Variants in TBCE observed in about 807,000 individuals in gnomAD.
TBCE encodes the protein tubulin-specific chaperone E.
Under a neutral mutation model 77.0 loss-of-function variants are expected in TBCE, and 53 were observed. That is an observed-to-expected ratio of 0.69 (90% CI 0.55 to 0.87). The LOEUF (loss-of-function observed/expected upper bound fraction) is 0.87, where lower values mean the gene tolerates loss of function less well. Among genes scored for constraint, TBCE ranks in the 40% least tolerant of loss-of-function variants. TBCE has a pLI of 0.00. For synonymous variants in TBCE, 235 were observed against 241.3 expected (o/e 0.97, Z 0.24); for missense variants, 624 against 622.4 (o/e 1.00, Z -0.03).
At chr1:235,443,614 G>A (rs1440674484) in intron 15 of TBCE, among the ~76,000 whole-genome samples, 2 of 152,142 alleles carry the variant, frequency 1.3e-5, no homozygotes, top group East Asian at 1.9e-4. Context: ...TGGGTTTGGG[G>A]TCTGCTTCTC....
At position 235,442,604 on chromosome 1, in the gene TBCE, G is replaced by A. The variant is rs76192996; in HGVS notation, c.1340-248G>A. Reference sequence around the variant, plus strand: ...ACCAAATTGTGATTTGTGAATTTATGACTTGAAAACCTAGCCAAGCTGTAA... The same window carrying A: ...ACCAAATTGTGATTTGTGAATTTATAACTTGAAAACCTAGCCAAGCTGTAA... On this transcript the variant is annotated intron_variant, in intron 14 of 16. Transcript: ENST00000642610. Among the ~76,000 whole-genome samples the A allele has an allele frequency of 8.1e-3, 1,238 of 152,316 alleles. 14 individuals are homozygous for A. The highest frequency in any genetic ancestry group is 0.029 in the African/African-American group (1,194 of 41,550).
At chr1:235,441,704 A>G in intron 13 of TBCE, 110 bp from the exon 14 acceptor site, 1 of 979,050 alleles carries the variant, frequency 1.0e-6, no homozygotes, top group East Asian at 2.6e-5. Flanking sequence ...GTGTCCTGGG[A>G]AAGGCACAGG....
chr1:235,447,567 C>CA (rs1355206813), intron 15 of TBCE, among the ~76,000 whole-genome samples: 2 of 152,094 alleles, frequency 1.3e-5, no homozygotes, highest in African/African-American at 4.8e-5. Flanking sequence ...CCTTGTAGAT[C>CA]ATTTAGTTGG....
chr1:235,368,396 C>G (rs1466067255), intron 1 of TBCE, among the ~76,000 whole-genome samples: 2 of 151,778 alleles, frequency 1.3e-5, no homozygotes, highest in African/African-American at 2.4e-5. Context: ...CTTTTCTTTT[C>G]TCTGGCATTA....
chr1:235,435,903 A>T (rs1681417007), intron 9 of TBCE, 63 bp downstream of exon 9: 2 of 1,367,818 alleles, frequency 1.5e-6, no homozygotes, highest in Non-Finnish European at 2.1e-6. Flanking sequence ...AGCAGTTTTC[A>T]TATGCTATGT....
intron 2 of TBCE, among the ~76,000 whole-genome samples, chr1:235,382,908 G>T (rs915582290): frequency 6.6e-6 from 1 of 150,980 alleles, no homozygotes; most frequent in African/African-American, 2.4e-5. Context: ...TGTCCTGAAT[G>T]GTATTGCCTA....
intron 3 of TBCE, among the ~76,000 whole-genome samples, chr1:235,411,704 T>C (rs1679791544): frequency 6.6e-6 from 1 of 152,154 alleles, no homozygotes. Flanking sequence ...CTGATGTGTG[T>C]GTATAAGCCA....
At chr1:235,427,354 GATGATAC>G in intron 6 of TBCE, 115 bp downstream of exon 6, 1 of 761,634 alleles carries the variant, frequency 1.3e-6, no homozygotes, top group Non-Finnish European at 2.3e-6. Context: ...GCTGCCACCT[GATGATAC>G]AGGAGTTAAG....
At chr1:235,389,968 C>CA (rs1210752192) in intron 2 of TBCE, among the ~76,000 whole-genome samples, 5 of 151,176 alleles carry the variant, frequency 3.3e-5, no homozygotes, top group South Asian at 2.1e-4. Context: ...ACTAAAAATA[C>CA]AAAAAAAATT....
intron 6 of TBCE, among the ~76,000 whole-genome samples, chr1:235,427,630 T>C (rs756686425): frequency 6.6e-6 from 1 of 152,088 alleles, no homozygotes; most frequent in Non-Finnish European, 1.5e-5. Flanking sequence ...ATAGTAAGAT[T>C]AGGGTGGGGT....
chr1:235,413,441 C>T (rs905118553), intron 3 of TBCE, among the ~76,000 whole-genome samples: 1 of 151,588 alleles, frequency 6.6e-6, no homozygotes, highest in Non-Finnish European at 1.5e-5. Context: ...GCGGGAGGAT[C>T]ACTTAAGGTC....
intron 12 of TBCE, among the ~76,000 whole-genome samples, chr1:235,437,816 T>A (rs1681561815): frequency 6.7e-6 from 1 of 150,006 alleles, no homozygotes; most frequent in Non-Finnish European, 1.5e-5. Flanking sequence ...TGAGACCCTG[T>A]CTTAATTTAA....
chr1:235,432,297 T>C (rs1177374357), intron 7 of TBCE, among the ~76,000 whole-genome samples: 1 of 152,196 alleles, frequency 6.6e-6, no homozygotes, highest in African/African-American at 2.4e-5. Flanking sequence ...GCATTCCACT[T>C]TCAAACCAAG....
At chr1:235,441,348 G>C (rs1426016077) in intron 13 of TBCE, 1 of 227,746 alleles carries the variant, frequency 4.4e-6, no homozygotes, top group Non-Finnish European at 8.7e-6. Flanking sequence ...ACGGTCTGGT[G>C]GAAACGTGAG....
intron 14 of TBCE, among the ~76,000 whole-genome samples, chr1:235,442,195 A>G (rs914643929): frequency 1.3e-5 from 2 of 151,356 alleles, no homozygotes; most frequent in Admixed American, 6.6e-5. Context: ...ATCGAGACGG[A>G]GTTTTGCTCT....
intron 15 of TBCE, among the ~76,000 whole-genome samples, chr1:235,445,898 A>AC (rs2102947035): frequency 6.6e-6 from 1 of 152,356 alleles, no homozygotes; most frequent in Admixed American, 6.5e-5. Flanking sequence ...CACACAGCAC[A>AC]CAAGGCACTG....
chr1:235,449,955 A>C lies in TBCE; in HGVS notation c.*1193A>C, dbSNP rs1682792377. The C allele has an allele frequency of 3.0e-6, 1 of 327,994 alleles. No individual in the cohort carries two copies. The highest frequency in any genetic ancestry group is 5.6e-6 in the Non-Finnish European group (1 of 180,032). 20.3% of individuals were successfully genotyped at this position (327,994 alleles called of 1,614,324 possible). Reference sequence around the variant, plus strand: ...TTAGAAATATTTTTTCTTTTATAAAATAACTTGGTATTTTTCTGATAATCT... The same window carrying C: ...TTAGAAATATTTTTTCTTTTATAAACTAACTTGGTATTTTTCTGATAATCT... On this transcript the variant is annotated 3_prime_UTR_variant, in exon 17 of 17. Transcript: ENST00000642610.
chr1:235,434,203 G>A lies in TBCE; in HGVS notation c.661-1G>A. ...GAGCCTGAACCGAGTTTCTCTTCCA[G>A]GTGCTGCGGTGTGTCGCGGGGTGCC... On this transcript the variant is annotated splice_acceptor_variant, in intron 7 of 16. Transcript: ENST00000642610. LOFTEE classifies it high-confidence loss of function. 6.2e-7 allele frequency: 1 copy of A among 1,614,120 alleles called. No homozygotes were observed. Among genetic ancestry groups the A allele is most frequent in the Non-Finnish European group, 8.5e-7 (1 of 1,180,030 alleles).
At chr1:235,443,051 A>G in intron 15 of TBCE, 140 bp downstream of exon 15, 1 of 831,776 alleles carries the variant, frequency 1.2e-6, no homozygotes, top group Middle Eastern at 2.3e-4. Flanking sequence ...TTTATATTCT[A>G]AAATACAATC....
Sources: allele counts gnomAD v4.1 joint callset (sites outside exome capture counted in the v4.1 genomes callset), GRCh38; gene constraint gnomAD v4.1.1; transcripts MANE v1.5; gene names NCBI Gene and HGNC (gene_info 2026-07-23, HGNC 2026-07-21).